The following MYCBP2 variants were observed in gnomAD, a reference collection of about 807,000 sequenced individuals.
The protein encoded by MYCBP2 is MYC binding protein 2, also known as E3 ubiquitin-protein ligase MYCBP2.
Under a neutral mutation model 525.3 loss-of-function variants are expected in MYCBP2, and 120 were observed. The ratio of observed to expected loss-of-function variants is 0.23; its 90% CI spans 0.20 to 0.27. MYCBP2 has a LOEUF of 0.27. Ranked by LOEUF, MYCBP2 falls within the 10% of genes least tolerant of loss-of-function variation. The probability of loss-of-function intolerance (pLI) is 1.00; values close to 1 mark genes in which losing one functional copy is unlikely to be tolerated. For synonymous variants in MYCBP2, 1,894 were observed against 1,955.8 expected, an observed-to-expected ratio of 0.97 and a Z score of 0.83; for missense variants, 4,149 against 5,657.1, an observed-to-expected ratio of 0.73 and a Z score of 8.55.
chr13:77,068,730 T>G lies in MYCBP2; in HGVS notation c.12006A>C (p.Pro4002=). 1 of 1,614,234 alleles carries G rather than the reference T, an allele frequency of 6.2e-7. No homozygotes were observed. Among genetic ancestry groups the G allele is most frequent in the Non-Finnish European group, 8.5e-7 (1 of 1,180,040 alleles). Residue 4002 remains proline (P), a synonymous_variant, in exon 70 of 83, where the codon CCA becomes CCC. Transcript: ENST00000544440. ...ISSKENANSQ[P]NDEDASSDAY... ...CATCAGAGGAGGCATCTTCATCATT[T>G]GGCTGAGAATTGGCATTTTCTTTGC...
Position 77,051,847 on chromosome 13 carries a change from G to A in MYCBP2, c.13719C>T (p.Leu4573=), listed in dbSNP as rs370673788. The A allele has an allele frequency of 4.7e-5, 76 of 1,614,096 alleles. No individual in the cohort carries two copies. The highest frequency in any genetic ancestry group is 6.4e-5 in the Non-Finnish European group (75 of 1,180,014). ...GRGDDYDPRE[L]ICGACSDVSR... is the part of the protein sequence containing the mutation. Reference sequence around the variant, plus strand: ...AAACATCAGAACAGGCACCACAAATGAGCTCTCTGGGATCATAATCATCTC... The same window carrying A: ...AAACATCAGAACAGGCACCACAAATAAGCTCTCTGGGATCATAATCATCTC... Residue 4573 remains leucine (L), a synonymous_variant, in exon 81 of 83, where the codon CTC becomes CTT. Transcript: ENST00000544440.
At chr13:77,268,014 T>C in intron 7 of MYCBP2, 77 bp from the exon 8 acceptor site, 1 of 838,358 alleles carries the variant, frequency 1.2e-6, no homozygotes, top group Admixed American at 2.2e-5. Context: ...CAGCTCCATA[T>C]TACAGGTTTT....
At chr13:77,111,158 T>A (rs533988999) in intron 55 of MYCBP2, among the ~76,000 whole-genome samples, 1 of 152,112 alleles carries the variant, frequency 6.6e-6, no homozygotes, top group East Asian at 1.9e-4. Flanking sequence ...AATGCTTTAA[T>A]AATATTTTTT....
intron 21 of MYCBP2, 108 bp from the exon 22 acceptor site, chr13:77,212,268 C>T: frequency 1.1e-6 from 1 of 894,020 alleles, no homozygotes; most frequent in Non-Finnish European, 1.6e-6. Context: ...CCTTATTTTT[C>T]ACCAATTGTT....
chr13:77,064,432 A>G (rs2039867709), intron 73 of MYCBP2, among the ~76,000 whole-genome samples, 183 bp downstream of exon 73: 1 of 152,256 alleles, frequency 6.6e-6, no homozygotes, highest in South Asian at 2.1e-4. Context: ...AACACATAAC[A>G]GTGAGAAGTA....
chr13:77,149,856 G>C (rs1465342876), intron 47 of MYCBP2, among the ~76,000 whole-genome samples: 3 of 152,106 alleles, frequency 2.0e-5, no homozygotes, highest in Non-Finnish European at 4.4e-5. Context: ...CAACTGATCA[G>C]CATATCTCAC....
intron 44 of MYCBP2, 142 bp downstream of exon 44, chr13:77,161,764 G>T: frequency 1.7e-6 from 1 of 603,702 alleles, no homozygotes; most frequent in Non-Finnish European, 2.9e-6. Flanking sequence ...GCAATGATAA[G>T]TTATTTATCT....
intron 66 of MYCBP2, chr13:77,077,758 C>T (rs1010882984): frequency 6.1e-6 from 1 of 162,636 alleles, no homozygotes; most frequent in Non-Finnish European, 1.3e-5. Flanking sequence ...GGAAACCTCA[C>T]AAGATCAGAA....
intron 26 of MYCBP2, among the ~76,000 whole-genome samples, chr13:77,202,661 A>C (rs1275123552): frequency 7.9e-5 from 12 of 151,636 alleles, no homozygotes; most frequent in African/African-American, 1.9e-4. Flanking sequence ...TACTGGCAAA[A>C]CGAATCCAGC....
chr13:77,284,502 A>AC, intron 3 of MYCBP2, among the ~76,000 whole-genome samples: 1 of 152,322 alleles, frequency 6.6e-6, no homozygotes, highest in Admixed American at 6.5e-5. Context: ...GCTGCCAAAA[A>AC]ATATCACCTG....
At chr13:77,193,147 A>C (rs999614106) in intron 27 of MYCBP2, among the ~76,000 whole-genome samples, 5 of 152,170 alleles carry the variant, frequency 3.3e-5, no homozygotes, top group Non-Finnish European at 7.4e-5. Context: ...AAATTAATAA[A>C]TGAATAAATA....
chr13:77,324,556 TG>T lies in MYCBP2; in HGVS notation c.302+1917del, dbSNP rs775590972. 3.3e-5 allele frequency among the ~76,000 whole-genome samples: 5 copies of T among 152,330 alleles called. No homozygotes were observed. In the East Asian group the frequency reaches 9.6e-4, roughly 29 times the overall value. On this transcript the variant is annotated intron_variant, in intron 1 of 82. Transcript: ENST00000544440. Reference sequence around the variant, plus strand: ...TAATGTGAACTTAAATAAACAATAATGTTGCGTTGAACAAGCATTAGCAGGC... The same window carrying T: ...TAATGTGAACTTAAATAAACAATAATTTGCGTTGAACAAGCATTAGCAGGC...
chr13:77,077,116 C>T (rs777104029), intron 67 of MYCBP2, 32 bp downstream of exon 67: 4 of 1,597,770 alleles, frequency 2.5e-6, no homozygotes, highest in Non-Finnish European at 3.4e-6. Context: ...CATCAATTAT[C>T]CTGTGCTAGA....
intron 26 of MYCBP2, among the ~76,000 whole-genome samples, chr13:77,196,973 G>C (rs2061823540): frequency 6.6e-6 from 1 of 152,224 alleles, no homozygotes; most frequent in Admixed American, 6.5e-5. Flanking sequence ...AAGATGATGA[G>C]CAACCAGCAG....
intron 26 of MYCBP2, among the ~76,000 whole-genome samples, chr13:77,196,601 G>A (rs2061779410): frequency 6.6e-6 from 1 of 152,192 alleles, no homozygotes; most frequent in African/African-American, 2.4e-5. Context: ...GTGGATGTGT[G>A]TAAAAGAAAG....
At position 77,121,451 on chromosome 13, in the gene MYCBP2, G is replaced by C. The variant is rs2050673762; in HGVS notation, c.8062C>G (p.Pro2688Ala). ...TTATTAAAAGCTTGCACTGAGAAAG[G>C]GCTTGGAGGAGGAGTTTGAGAATTC... ...DQNSQTPPPS[P>A]FSVQAFNKGA... Residue 2688 changes from proline to alanine, a missense_variant, in exon 55 of 83, where the codon CCT (proline) becomes GCT (alanine). Pro to Ala is a conservative substitution (Grantham distance 27). This residue lies in a region of MYCBP2 where 653 missense variants were observed against 744.7 expected (regional missense o/e 0.88). Coordinates refer to ENST00000544440, the MANE Select transcript of MYCBP2 (RefSeq NM_015057.5). The C allele has an allele frequency of 3.8e-6, 6 of 1,585,970 alleles. No homozygotes were observed. Among genetic ancestry groups the C allele is most frequent in the African/African-American group, 2.7e-5 (2 of 74,492 alleles).
chr13:77,062,549 T>C lies in MYCBP2; in HGVS notation c.12774+47A>G, dbSNP rs376835651. 1.2e-5 allele frequency: 18 copies of C among 1,491,128 alleles called. No homozygotes were observed. The African/African-American group carries it at 1.9e-4, about 16-fold the overall frequency. The allele number at this position is 1,491,128 out of a possible 1,614,324, so 92.4% of individuals were successfully genotyped here. A position where few individuals can be genotyped will look rare whatever the true frequency, so the allele number is the denominator to read the frequency against. ...TTTGTTTTTAAGCTAAGCTAAAGCTTACTGTAAAGGAAAGCAAGATAAATT... is the reference window on the plus strand; with the variant it reads ...TTTGTTTTTAAGCTAAGCTAAAGCTCACTGTAAAGGAAAGCAAGATAAATT... On this transcript the variant is annotated intron_variant, in intron 74 of 82. Transcript: ENST00000544440.
In MYCBP2 at chr13:77,095,395, C is replaced by G. The variant is rs545536054; in HGVS notation, c.10162G>C (p.Val3388Leu). ...VKEGISEDLP[V>L]KMPCLYLQTL... ...TGCAGGTAGAGACAAGGCATTTTCA[C>G]AGGAAGATCCTCAGAAATGCCTTCT... is the stretch of plus-strand genomic sequence containing the variant. The change falls in exon 58 of 83, where the codon GTG (valine) becomes CTG (leucine). Residue 3388 changes from valine to leucine, a missense_variant. This residue lies in a region of MYCBP2 where 509 missense variants were observed against 789.4 expected (regional missense o/e 0.64). Transcript: ENST00000544440. 3.7e-6 allele frequency: 6 copies of G among 1,613,382 alleles called. No homozygotes were observed. In the East Asian group the frequency reaches 1.3e-4, roughly 36 times the overall value.
intron 20 of MYCBP2, among the ~76,000 whole-genome samples, chr13:77,221,094 G>A (rs1248713823): frequency 1.3e-5 from 2 of 152,118 alleles, no homozygotes; most frequent in South Asian, 2.1e-4. Flanking sequence ...TTCCAGGTTC[G>A]ATGACTATGT....
Sources: gnomAD v4.1 joint callset for allele counts (sites outside exome capture counted in the v4.1 genomes callset) on GRCh38, gnomAD v4.1.1 for gene constraint, gnomAD v4.1.1 regional missense constraint, MANE v1.5 for transcripts, NCBI Gene and HGNC (gene_info 2026-07-23, HGNC 2026-07-21) for gene names.